The following GGT7 variants were observed in gnomAD, a reference collection of about 807,000 sequenced individuals.
GGT7 encodes the protein glutathione hydrolase 7.
In GGT7, 30 loss-of-function variants were observed where a neutral mutation model predicts 69.2. That is an observed-to-expected ratio of 0.43 (90% confidence interval 0.32 to 0.59). GGT7 has a LOEUF of 0.59. GGT7 is among the 20% of genes least tolerant of loss of function. The pLI, the probability that GGT7 is intolerant of heterozygous loss-of-function variation, is 0.05. For missense variants in GGT7, 733 were observed against 901.1 expected, an observed-to-expected ratio of 0.81 and a Z score of 2.39; for synonymous variants, 388 against 391.8, an observed-to-expected ratio of 0.99 and a Z score of 0.12.
intron 1 of GGT7, among the ~76,000 whole-genome samples, chr20:34,870,475 GTTT>G (rs1232992220): frequency 2.0e-5 from 3 of 151,898 alleles, no homozygotes; most frequent in East Asian, 1.9e-4. Context: ...AGAGATGAGG[GTTT>G]TTTTTGTTGT....
intron 14 of GGT7, among the ~76,000 whole-genome samples, chr20:34,845,931 A>G (rs1476096571): frequency 6.6e-6 from 1 of 151,994 alleles, no homozygotes; most frequent in East Asian, 1.9e-4. Context: ...GTGGTGGTAC[A>G]TGCCTGTAGT....
At chr20:34,864,262 A>G (rs976030813) in intron 1 of GGT7, among the ~76,000 whole-genome samples, 5 of 152,132 alleles carry the variant, frequency 3.3e-5, no homozygotes, top group Admixed American at 3.3e-4. Context: ...AGCCAGCTAT[A>G]ATGTAGAGCA....
rs1178918699 is a variant in GGT7, at chr20:34,863,307, C to T, written c.405+6G>A. ...TTTCCTCCCCCTCCCCATTTGTCCC[C>T]CTCACCTGGGGGTCCCCGAAGTAGA... is the stretch of plus-strand genomic sequence containing the variant. On this transcript the variant is annotated splice_donor_region_variant and intron_variant, in intron 2 of 14. Coordinates refer to ENST00000336431, the MANE Select transcript of GGT7 (RefSeq NM_178026.3). The surrounding 1 kb of genome is among the most constrained non-coding windows in gnomAD (Gnocchi z 4.4). 6.2e-7 allele frequency: 1 copy of T among 1,602,270 alleles called. No individual in the cohort carries two copies. Among genetic ancestry groups the T allele is most frequent in the East Asian group, 2.2e-5 (1 of 44,630 alleles).
Position 34,869,064 on chromosome 20 carries a change from C to T in GGT7, c.169+3583G>A, listed in dbSNP as rs1004788884. 1.8e-4 allele frequency among the ~76,000 whole-genome samples: 27 copies of T among 152,034 alleles called. 1 individual carries two copies. Among genetic ancestry groups the T allele is most frequent in the Non-Finnish European group, 1.5e-5 (1 of 68,040 alleles). Reference sequence around the variant, plus strand: ...CCTGAACAAAATTGATTATACAAGTCCAGAGTTTAGGAGAGTGATCTTGGC... The same window carrying T: ...CCTGAACAAAATTGATTATACAAGTTCAGAGTTTAGGAGAGTGATCTTGGC... On this transcript the variant is annotated intron_variant, in intron 1 of 14. Coordinates refer to ENST00000336431, the MANE Select transcript of GGT7 (RefSeq NM_178026.3).
intron 1 of GGT7, among the ~76,000 whole-genome samples, chr20:34,870,720 C>T (rs552009416): frequency 6.6e-6 from 1 of 151,888 alleles, no homozygotes; most frequent in African/African-American, 2.4e-5. Context: ...GATCCACCCG[C>T]CTCAGCATCC....
At chr20:34,846,458 C>T (rs2146877684) in intron 14 of GGT7, among the ~76,000 whole-genome samples, 1 of 151,738 alleles carries the variant, frequency 6.6e-6, no homozygotes, top group South Asian at 2.1e-4. Flanking sequence ...CTTGCGCCAC[C>T]ACACCCGGCT....
intron 10 of GGT7, among the ~76,000 whole-genome samples, chr20:34,853,154 A>T (rs1007284062): frequency 6.6e-6 from 1 of 152,142 alleles, no homozygotes; most frequent in Non-Finnish European, 1.5e-5. Flanking sequence ...CATGTTGGCC[A>T]GGCCGGTCTT....
In GGT7 at chr20:34,845,112, T is replaced by TTAC. The variant is rs1555872248; in HGVS notation, c.*215_*216insGTA. On this transcript the variant is annotated 3_prime_UTR_variant, in exon 15 of 15. Coordinates refer to ENST00000336431, the MANE Select transcript of GGT7 (RefSeq NM_178026.3). ...CTGGCTGTACTGTAGATGCTGACAC[T>TTAC]CACCACCACCACCACCACCACCACC... The TTAC allele has an allele frequency of 1.0e-5, 4 of 389,878 alleles. No individual in the cohort carries two copies. Among genetic ancestry groups the TTAC allele is most frequent in the African/African-American group, 9.1e-5 (4 of 43,946 alleles). 24.2% of individuals were successfully genotyped at this position (389,878 alleles called of 1,614,324 possible). A position where few individuals can be genotyped will look rare whatever the true frequency, so the allele number is the denominator to read the frequency against.
chr20:34,853,417 T>C (rs1288243857), intron 10 of GGT7, among the ~76,000 whole-genome samples: 2 of 151,500 alleles, frequency 1.3e-5, no homozygotes, highest in Non-Finnish European at 2.9e-5. Context: ...TTAGAAACAA[T>C]ATGTAATGCT....
rs769669674 is a variant in GGT7 at position 34,856,937 on chromosome 20, A to G, written c.1015-44T>C. 17 of 1,254,650 alleles carry G rather than the reference A, an allele frequency of 1.4e-5. No homozygotes were observed. In the Middle Eastern group the frequency reaches 7.4e-4, roughly 55 times the overall value. 77.7% of individuals were successfully genotyped at this position (1,254,650 alleles called of 1,614,324 possible). A position where few individuals can be genotyped will look rare whatever the true frequency, so the allele number is the denominator to read the frequency against. On this transcript the variant is annotated intron_variant, in intron 7 of 14. Coordinates refer to ENST00000336431, the MANE Select transcript of GGT7 (RefSeq NM_178026.3). ...GGGAATGACCTCCCACCACTGTGAC[A>G]TGGTGGTTTTGGCCTATAACACGTT...
chr20:34,865,170 G>A (rs1568942865), intron 1 of GGT7, among the ~76,000 whole-genome samples: 1 of 151,950 alleles, frequency 6.6e-6, no homozygotes, highest in Non-Finnish European at 1.5e-5. Context: ...TGTTCTGTGT[G>A]TTATTGTTGT....
At chr20:34,870,991 C>A (rs2079768625) in intron 1 of GGT7, among the ~76,000 whole-genome samples, 2 of 152,048 alleles carry the variant, frequency 1.3e-5, no homozygotes, top group Admixed American at 1.3e-4. Context: ...GGGGTTTCAC[C>A]ATGTTGGCCA....
rs564862243 is a variant in GGT7, at chr20:34,851,089, A to G, written c.1725+142T>C. 5.2e-5 allele frequency: 52 copies of G among 1,000,486 alleles called. No individual in the cohort carries two copies. In the African/African-American group the frequency reaches 6.7e-4, roughly 13 times the overall value. 62.0% of individuals were successfully genotyped at this position (1,000,486 alleles called of 1,614,324 possible). ...AGCGCAGCCCATGTCCACATTGCCC[A>G]GGATGCGCCTGGCACAAAACAGCCT... is the stretch of plus-strand genomic sequence containing the variant. On this transcript the variant is annotated intron_variant, in intron 13 of 14. Transcript: ENST00000336431.
Position 34,863,569 on chromosome 20 carries a change from TC to T in GGT7, c.170-22del. The T allele has an allele frequency of 6.6e-7, 1 of 1,516,402 alleles. No homozygotes were observed. The highest frequency in any genetic ancestry group is 9.0e-7 in the Non-Finnish European group (1 of 1,116,340). 93.9% of individuals were successfully genotyped at this position (1,516,402 alleles called of 1,614,324 possible). On this transcript the variant is annotated intron_variant, in intron 1 of 14. Transcript: ENST00000336431. The surrounding 1 kb of genome is among the most constrained non-coding windows in gnomAD (Gnocchi z 4.4). ...CGGGTCTGCGGGCAGGCAGCCGGGGTCGGTCTGGGCATCTCCTATCTGGCCC... is the reference window on the plus strand; with the variant it reads ...CGGGTCTGCGGGCAGGCAGCCGGGGTGGTCTGGGCATCTCCTATCTGGCCC...
chr20:34,864,638 T>C (rs927824598), intron 1 of GGT7, among the ~76,000 whole-genome samples: 7 of 151,388 alleles, frequency 4.6e-5, no homozygotes, highest in African/African-American at 1.7e-4. Context: ...TGACAGTCAC[T>C]TGAACCCACA....
At chr20:34,869,692 C>T (rs1448631497) in intron 1 of GGT7, among the ~76,000 whole-genome samples, 4 of 152,108 alleles carry the variant, frequency 2.6e-5, no homozygotes, top group Non-Finnish European at 5.9e-5. Context: ...ACTTGATCAC[C>T]ATTTGGAAAT....
chr20:34,868,369 T>C (rs2079727398), intron 1 of GGT7, among the ~76,000 whole-genome samples: 1 of 152,192 alleles, frequency 6.6e-6, no homozygotes, highest in Non-Finnish European at 1.5e-5. Flanking sequence ...ATTTTACTGA[T>C]AGGGAAGAGC....
chr20:34,859,056 G>T (rs1382250214), intron 7 of GGT7, among the ~76,000 whole-genome samples: 4 of 152,026 alleles, frequency 2.6e-5, no homozygotes, highest in Non-Finnish European at 5.9e-5. Flanking sequence ...TGTAATCCCA[G>T]TTACTCGGGA....
chr20:34,866,805 T>C (rs2079698059), intron 1 of GGT7, among the ~76,000 whole-genome samples: 1 of 152,162 alleles, frequency 6.6e-6, no homozygotes, highest in Admixed American at 6.5e-5. Flanking sequence ...GGTCTTGAAC[T>C]CCTGACCTCA....
Sources: allele counts gnomAD v4.1 joint callset (sites outside exome capture counted in the v4.1 genomes callset), GRCh38; gene constraint gnomAD v4.1.1; non-coding constraint Gnocchi (gnomAD v3.1); transcripts MANE v1.5; gene names NCBI Gene and HGNC (gene_info 2026-07-23, HGNC 2026-07-21).